Variants in AHCYL1 observed in about 807,000 individuals in gnomAD.
The protein encoded by AHCYL1 is S-adenosylhomocysteine hydrolase-like protein 1.
A neutral mutation model predicts 79.3 loss-of-function variants in AHCYL1; 20 were observed. The observed-to-expected ratio is 0.25, with a 90% CI of 0.18 to 0.37. The LOEUF (loss-of-function observed/expected upper bound fraction) is 0.37. AHCYL1 is among the 10% of genes least tolerant of loss of function. AHCYL1 has a pLI of 1.00. For synonymous variants in AHCYL1, 223 were observed against 242.2 expected (o/e 0.92, Z 0.74); for missense variants, 330 against 673.6 (o/e 0.49, Z 5.65).
At chr1:110,018,763 GGA>G (rs1651593208) in intron 13 of AHCYL1, 113 bp downstream of exon 13, 4 of 1,078,570 alleles carry the variant, frequency 3.7e-6, no homozygotes, top group Admixed American at 4.9e-5. Context: ...TTTTATCTTT[GGA>G]GAGAGAGATA....
In AHCYL1 at chr1:110,022,459, A is replaced by G. The variant is rs1015816115; in HGVS notation, c.*779A>G. On this transcript the variant is annotated 3_prime_UTR_variant, in exon 17 of 17. Coordinates refer to ENST00000369799, the MANE Select transcript of AHCYL1 (RefSeq NM_006621.7). ...TTGCTTGAGTGGTTAGTTGTTACCAATTTCTCTTTTGAACCTTTGGAGCTA... is the reference window on the plus strand; with the variant it reads ...TTGCTTGAGTGGTTAGTTGTTACCAGTTTCTCTTTTGAACCTTTGGAGCTA... 2.0e-5 allele frequency: 3 copies of G among 152,404 alleles called. No individual in the cohort carries two copies. The highest frequency in any genetic ancestry group is 4.8e-5 in the African/African-American group (2 of 41,398). 9.4% of individuals were successfully genotyped at this position (152,404 alleles called of 1,614,324 possible).
intron 1 of AHCYL1, among the ~76,000 whole-genome samples, chr1:110,008,170 C>T (rs1445737647): frequency 2.0e-5 from 3 of 151,802 alleles, no homozygotes; most frequent in African/African-American, 4.8e-5. Flanking sequence ...TACAGGCACC[C>T]GCCACCAAGC....
At chr1:110,018,731 A>G in intron 13 of AHCYL1, 81 bp downstream of exon 13, 1 of 1,262,798 alleles carries the variant, frequency 7.9e-7, no homozygotes, top group South Asian at 1.3e-5. Context: ...GGAAACAAAT[A>G]TTAGGCCTAT....
chr1:109,999,704 A>AT (rs148500432), intron 1 of AHCYL1, among the ~76,000 whole-genome samples: 42,720 of 148,064 alleles, frequency 0.29, 7,550 homozygotes, highest in African/African-American at 0.49. Context: ...CAATGGTAAA[A>AT]TTTTTTTTTT....
At chr1:109,988,518 C>T (rs940406444) in intron 1 of AHCYL1, among the ~76,000 whole-genome samples, 6 of 152,176 alleles carry the variant, frequency 3.9e-5, no homozygotes, top group African/African-American at 1.4e-4. Context: ...GGTAACTGTC[C>T]TTGGACCTTT....
chr1:110,001,805 A>G (rs984952768), intron 1 of AHCYL1, among the ~76,000 whole-genome samples: 3 of 152,218 alleles, frequency 2.0e-5, no homozygotes, highest in Non-Finnish European at 2.9e-5. Flanking sequence ...AAGAGAAAAA[A>G]GGAAAGCTTT....
At chr1:110,011,182 T>C (rs954630739) in intron 2 of AHCYL1, 32 bp from the exon 3 acceptor site, 1 of 1,611,494 alleles carries the variant, frequency 6.2e-7, no homozygotes, top group Non-Finnish European at 8.5e-7. Context: ...CTGAGGTTTT[T>C]CTATCCTTGT....
At chr1:109,993,853 T>G (rs1028049242) in intron 1 of AHCYL1, among the ~76,000 whole-genome samples, 11 of 152,230 alleles carry the variant, frequency 7.2e-5, no homozygotes, top group Non-Finnish European at 1.5e-4. Flanking sequence ...GGTTTATACA[T>G]GCTCTTGATT....
chr1:110,016,478 A>G lies in AHCYL1; in HGVS notation c.899+18A>G, dbSNP rs757584904. ...TTGGATGGGTAGGTTGAATGTATAT[A>G]TATTCAAACTTCTAGGGGCTCTGGT... is the stretch of plus-strand genomic sequence containing the variant. On this transcript the variant is annotated intron_variant, in intron 8 of 16. Transcript: ENST00000369799. 11 of 1,602,964 alleles carry G rather than the reference A, an allele frequency of 6.9e-6. No homozygotes were observed. The highest frequency in any genetic ancestry group is 5.1e-5 in the Admixed American group (3 of 59,376).
At chr1:110,014,469 T>A (rs1368291860) in intron 5 of AHCYL1, among the ~76,000 whole-genome samples, 1 of 152,234 alleles carries the variant, frequency 6.6e-6, no homozygotes, top group African/African-American at 2.4e-5. Context: ...TCAATAATGC[T>A]CCAGTTAACA....
intron 1 of AHCYL1, among the ~76,000 whole-genome samples, chr1:109,992,043 C>CCTTTGTCCTT (rs1193741300): frequency 1.3e-5 from 2 of 151,958 alleles, no homozygotes; most frequent in African/African-American, 4.8e-5. Context: ...GCTTTTGGGC[C>CCTTTGTCCTT]ATGACCTGTT....
chr1:110,019,104 C>T lies in AHCYL1; in HGVS notation c.1371C>T (p.Ile457=). 1 of 1,614,188 alleles carries T rather than the reference C, an allele frequency of 6.2e-7. No individual in the cohort carries two copies. The highest frequency in any genetic ancestry group is 8.5e-7 in the Non-Finnish European group (1 of 1,180,030). ...CSTVPTFVLS[I]TATTQALALI... is the part of the protein sequence containing the mutation. ...CAGTTCCCACCTTTGTTCTGTCCAT[C>T]ACAGCCACAACACAGGTATGTGGCA... is the stretch of plus-strand genomic sequence containing the variant. The change falls in exon 14 of 17, where the codon ATC becomes ATT. Residue 457 remains isoleucine (I), a synonymous_variant. Coordinates refer to ENST00000369799, the MANE Select transcript of AHCYL1 (RefSeq NM_006621.7).
intron 11 of AHCYL1, 73 bp downstream of exon 11, chr1:110,018,089 A>G (rs1651537955): frequency 3.4e-6 from 5 of 1,490,934 alleles, no homozygotes; most frequent in Non-Finnish European, 3.7e-6. Context: ...CTTTCATACA[A>G]AGGAGGTGAG....
intron 7 of AHCYL1, 89 bp from the exon 8 acceptor site, chr1:110,016,254 CT>C: frequency 1.2e-6 from 1 of 829,494 alleles, no homozygotes; most frequent in South Asian, 1.7e-5. Flanking sequence ...CAGCATGGAA[CT>C]TGAAGAGAAT....
At chr1:110,009,264 C>A in intron 2 of AHCYL1, 119 bp downstream of exon 2, 2 of 822,390 alleles carry the variant, frequency 2.4e-6, no homozygotes, top group South Asian at 1.7e-5. Flanking sequence ...GTGCTGAAAA[C>A]TGTTAGTGGC....
In AHCYL1 at chr1:109,986,571, C is replaced by T. The variant is rs534045973; in HGVS notation, c.120+1399C>T. 8.5e-5 allele frequency among the ~76,000 whole-genome samples: 13 copies of T among 152,298 alleles called. No homozygotes were observed. The South Asian group carries it at 2.1e-3, about 24-fold the overall frequency. On this transcript the variant is annotated intron_variant, in intron 1 of 16. Coordinates refer to ENST00000369799, the MANE Select transcript of AHCYL1 (RefSeq NM_006621.7). ...GCACTATTCTTTGGAGAAACAGTCA[C>T]AGTCCTTATAAGCAGAATGATTGAG...
chr1:109,990,283 GCTAT>G (rs1332956342), intron 1 of AHCYL1, among the ~76,000 whole-genome samples: 7 of 152,304 alleles, frequency 4.6e-5, no homozygotes, highest in Non-Finnish European at 7.4e-5. Context: ...CAATGATAGT[GCTAT>G]CTATATACAT....
intron 1 of AHCYL1, among the ~76,000 whole-genome samples, chr1:109,991,440 G>T (rs2101693531): frequency 6.6e-6 from 1 of 152,238 alleles, no homozygotes; most frequent in African/African-American, 2.4e-5. Flanking sequence ...ACCAGCCCAA[G>T]CCAGTTCACT....
Position 109,984,916 on chromosome 1 carries a change from C to T in AHCYL1, c.-137C>T, listed in dbSNP as rs925276628. ...GCGTGGGCCACAGCACCTCAGAAGC[C>T]GACGCAGCTCGACGCAGGGGCCGGC... On this transcript the variant is annotated 5_prime_UTR_variant, in exon 1 of 17. Coordinates refer to ENST00000369799, the MANE Select transcript of AHCYL1 (RefSeq NM_006621.7). 9.5e-5 allele frequency: 123 copies of T among 1,291,440 alleles called. 2 individuals carry two copies. In the South Asian group the frequency reaches 1.5e-3, roughly 15 times the overall value. 80.0% of individuals were successfully genotyped at this position (1,291,440 alleles called of 1,614,324 possible).
Sources: allele counts gnomAD v4.1 joint callset (sites outside exome capture counted in the v4.1 genomes callset), GRCh38; gene constraint gnomAD v4.1.1; transcripts MANE v1.5; gene names NCBI Gene and HGNC (gene_info 2026-07-23, HGNC 2026-07-21).